The following TMEM169 variants were observed in gnomAD, a reference collection of about 807,000 sequenced individuals.
TMEM169 encodes transmembrane protein 169.
In TMEM169, 18 loss-of-function variants were observed where a neutral mutation model predicts 27.3. That is an observed-to-expected ratio of 0.66 (90% CI 0.46 to 0.98). The LOEUF is 0.98. TMEM169 is among the 50% of genes least tolerant of loss of function. The probability of loss-of-function intolerance (pLI) is 0.00; values close to 1 mark genes in which losing one functional copy is unlikely to be tolerated. For synonymous variants in TMEM169, 136 were observed against 142.1 expected, an observed-to-expected ratio of 0.96 and a Z score of 0.30; for missense variants, 320 against 368.6, an observed-to-expected ratio of 0.87 and a Z score of 1.08.
In TMEM169 at chr2:216,099,981, G is replaced by A; in HGVS notation, c.333G>A (p.Gly111=). 6.2e-7 allele frequency: 1 copy of A among 1,614,086 alleles called. No homozygotes were observed. Among genetic ancestry groups the A allele is most frequent in the South Asian group, 1.1e-5 (1 of 91,076 alleles). ...CCTTAACTGGGACCATCACACGAGGGAAGAAAAAGGGTCAGATGGTGGACA... is the reference window on the plus strand; with the variant it reads ...CCTTAACTGGGACCATCACACGAGGAAAGAAAAAGGGTCAGATGGTGGACA... ...YVTLTGTITR[G]KKKGQMVDIH... Residue 111 remains glycine, a synonymous_variant, in exon 3 of 3, where the codon GGG becomes GGA. Transcript: ENST00000437356. The surrounding 1 kb of genome is among the most constrained non-coding windows in gnomAD (Gnocchi z 5.0).
At chr2:216,094,047 G>A (rs1467230485) in intron 1 of TMEM169, among the ~76,000 whole-genome samples, 1 of 152,156 alleles carries the variant, frequency 6.6e-6, no homozygotes, top group African/African-American at 2.4e-5. Context: ...TGGAAATAAA[G>A]GGATGGCAAA....
chr2:216,087,206 TG>T (rs1468419921), intron 1 of TMEM169, among the ~76,000 whole-genome samples: 1 of 152,002 alleles, frequency 6.6e-6, no homozygotes, highest in African/African-American at 2.4e-5. Context: ...AATCCTAGGG[TG>T]GGGTGCAAAT....
At chr2:216,097,511 G>T (rs529295019) in intron 2 of TMEM169, among the ~76,000 whole-genome samples, 43 of 152,222 alleles carry the variant, frequency 2.8e-4, no homozygotes, top group African/African-American at 9.6e-4. Context: ...GAATGCAGAG[G>T]TTGCAGCAAG....
At position 216,099,013 on chromosome 2, in the gene TMEM169, G is replaced by C. The variant is rs934480273; in HGVS notation, c.272-907G>C. Among the ~76,000 whole-genome samples, 3 of 149,984 alleles carry C rather than the reference G, an allele frequency of 2.0e-5. No individual in the cohort carries two copies. Among genetic ancestry groups the C allele is most frequent in the African/African-American group, 4.9e-5 (2 of 40,766 alleles). On this transcript the variant is annotated intron_variant, in intron 2 of 2. Coordinates refer to ENST00000437356, the MANE Select transcript of TMEM169 (RefSeq NM_001142311.2). This position sits in a 1 kb window ranked among gnomAD's most constrained non-coding sequence, Gnocchi z 5.0. ...TGTAGTGTATATATGTGGAATGTGT[G>C]GGGGGCAGCATTTGTGTGCATGTAT...
intron 1 of TMEM169, among the ~76,000 whole-genome samples, chr2:216,085,641 C>T (rs939363383): frequency 1.3e-5 from 2 of 152,060 alleles, no homozygotes; most frequent in Non-Finnish European, 2.9e-5. Context: ...GAGGCCAAGG[C>T]GGGCGGATCA....
intron 1 of TMEM169, among the ~76,000 whole-genome samples, chr2:216,090,025 G>A (rs569246701): frequency 6.2e-4 from 94 of 152,296 alleles, no homozygotes; most frequent in Non-Finnish European, 8.4e-4. Flanking sequence ...GTGTGCGTGC[G>A]TGCATGTGTG....
chr2:216,088,178 G>C (rs1276386006), intron 1 of TMEM169, among the ~76,000 whole-genome samples: 5 of 148,922 alleles, frequency 3.4e-5, no homozygotes, highest in Non-Finnish European at 5.9e-5. Context: ...AAAACAAACA[G>C]GCCGGGTGCA....
chr2:216,097,683 A>C (rs1696294449), intron 2 of TMEM169, among the ~76,000 whole-genome samples: 1 of 152,204 alleles, frequency 6.6e-6, no homozygotes, highest in Non-Finnish European at 1.5e-5. Flanking sequence ...GAACAAGATA[A>C]GCAATTTCTC....
chr2:216,092,581 T>C (rs898840592), intron 1 of TMEM169, among the ~76,000 whole-genome samples: 3 of 152,222 alleles, frequency 2.0e-5, no homozygotes, highest in African/African-American at 7.2e-5. Flanking sequence ...AAGTATGAGA[T>C]TTGCAACTTG....
intron 1 of TMEM169, among the ~76,000 whole-genome samples, chr2:216,095,334 C>T (rs1454988129): frequency 3.3e-5 from 5 of 151,798 alleles, no homozygotes; most frequent in Non-Finnish European, 7.4e-5. Flanking sequence ...GTGATCCACC[C>T]GCCTCGGCCT....
chr2:216,086,172 C>A (rs888829775), intron 1 of TMEM169, among the ~76,000 whole-genome samples: 1 of 151,986 alleles, frequency 6.6e-6, no homozygotes, highest in Non-Finnish European at 1.5e-5. Context: ...TCAAGCGATT[C>A]TCCTACCTCA....
Position 216,096,160 on chromosome 2 carries a change from C to A in TMEM169, c.197C>A (p.Pro66His). ...RSDNEKTDEE[P>H]GESEGGDQPK... Reference sequence around the variant, plus strand: ...GACAATGAGAAAACAGATGAGGAGCCCGGAGAATCAGAAGGTGGAGATCAG... The same window carrying A: ...GACAATGAGAAAACAGATGAGGAGCACGGAGAATCAGAAGGTGGAGATCAG... Residue 66 changes from proline (P) to histidine (H), a missense_variant, in exon 2 of 3, where the codon CCC (proline) becomes CAC (histidine). Pro to His is a moderately conservative substitution (Grantham distance 77). Transcript: ENST00000437356. The A allele has an allele frequency of 6.2e-7, 1 of 1,614,074 alleles. No homozygotes were observed. The highest frequency in any genetic ancestry group is 8.5e-7 in the Non-Finnish European group (1 of 1,180,020).
Position 216,091,963 on chromosome 2 carries a change from G to T in TMEM169, c.-126-3875G>T, listed in dbSNP as rs78214614. Reference sequence around the variant, plus strand: ...GAAATCATGTTTCAAGGTAAATCAAGGACAGTGTCTCTGTCCTGTGACTAC... The same window carrying T: ...GAAATCATGTTTCAAGGTAAATCAATGACAGTGTCTCTGTCCTGTGACTAC... On this transcript the variant is annotated intron_variant, in intron 1 of 2. Coordinates refer to ENST00000437356, the MANE Select transcript of TMEM169 (RefSeq NM_001142311.2). Among the ~76,000 whole-genome samples the T allele has an allele frequency of 3.2e-4, 48 of 152,294 alleles. No individual in the cohort carries two copies. The East Asian group carries it at 6.9e-3, about 22-fold the overall frequency.
chr2:216,099,783 G>A lies in TMEM169; in HGVS notation c.272-137G>A. On this transcript the variant is annotated intron_variant, in intron 2 of 2. Transcript: ENST00000437356. This position sits in a 1 kb window ranked among gnomAD's most constrained non-coding sequence, Gnocchi z 5.0. ...AGGGAGACCCACTCAGTCCGCCATTGAATCACTGACTCAGGACTGTGCCAG... is the reference window on the plus strand; with the variant it reads ...AGGGAGACCCACTCAGTCCGCCATTAAATCACTGACTCAGGACTGTGCCAG... The A allele has an allele frequency of 8.3e-7, 1 of 1,204,656 alleles. No individual in the cohort carries two copies. Among genetic ancestry groups the A allele is most frequent in the Non-Finnish European group, 1.2e-6 (1 of 861,576 alleles). The allele number at this position is 1,204,656 out of a possible 1,614,324, so 74.6% of individuals were successfully genotyped here. A position where few individuals can be genotyped will look rare whatever the true frequency, so the allele number is the denominator to read the frequency against.
At chr2:216,093,508 G>T (rs1403015202) in intron 1 of TMEM169, among the ~76,000 whole-genome samples, 2 of 152,134 alleles carry the variant, frequency 1.3e-5, no homozygotes, top group Non-Finnish European at 2.9e-5. Context: ...ACAAAGTCAG[G>T]CAGTGAGGAC....
intron 1 of TMEM169, among the ~76,000 whole-genome samples, chr2:216,093,460 G>A (rs1198238686): frequency 6.6e-6 from 1 of 152,134 alleles, no homozygotes; most frequent in Non-Finnish European, 1.5e-5. Flanking sequence ...AGAATTTAAA[G>A]ATAATGGCTT....
At position 216,100,740 on chromosome 2, in the gene TMEM169, C is replaced by A; in HGVS notation, c.*198C>A. The A allele has an allele frequency of 1.5e-6, 1 of 670,094 alleles. No individual in the cohort carries two copies. Among genetic ancestry groups the A allele is most frequent in the Non-Finnish European group, 2.5e-6 (1 of 401,434 alleles). The allele number at this position is 670,094 out of a possible 1,614,324, so 41.5% of individuals were successfully genotyped here. A position where few individuals can be genotyped will look rare whatever the true frequency, so the allele number is the denominator to read the frequency against. ...AAGCAATTGTGCCAAAGCAGTTCAC[C>A]CAATGGACAAACTCTTTTTGATTCC... is the stretch of plus-strand genomic sequence containing the variant. On this transcript the variant is annotated 3_prime_UTR_variant, in exon 3 of 3. Coordinates refer to ENST00000437356, the MANE Select transcript of TMEM169 (RefSeq NM_001142311.2).
chr2:216,092,245 T>C (rs1696151149), intron 1 of TMEM169, among the ~76,000 whole-genome samples: 1 of 152,258 alleles, frequency 6.6e-6, no homozygotes, highest in Non-Finnish European at 1.5e-5. Context: ...TACTATTTTC[T>C]GTACTAGTCT....
At chr2:216,089,601 C>T (rs376556953) in intron 1 of TMEM169, among the ~76,000 whole-genome samples, 7 of 152,302 alleles carry the variant, frequency 4.6e-5, no homozygotes, top group East Asian at 1.9e-4. Flanking sequence ...GGATTACAGG[C>T]GTGCACAACC....
Sources: allele counts gnomAD v4.1 joint callset (sites outside exome capture counted in the v4.1 genomes callset), GRCh38; gene constraint gnomAD v4.1.1; non-coding constraint Gnocchi (gnomAD v3.1); transcripts MANE v1.5; gene names NCBI Gene and HGNC (gene_info 2026-07-23, HGNC 2026-07-21).